Variants in SLC35F3 observed in about 807,000 individuals in gnomAD.
SLC35F3 encodes the protein solute carrier family 35 member F3, also known as putative thiamine transporter SLC35F3.
SLC35F3 carries 25 observed loss-of-function variants against 49.9 expected under a neutral mutation model. The observed-to-expected ratio is 0.50, with a 90% CI of 0.37 to 0.70. SLC35F3 has a LOEUF of 0.70. Among genes scored for constraint, SLC35F3 ranks in the 30% least tolerant of loss-of-function variants. The probability of loss-of-function intolerance (pLI) is 0.00; values close to 1 mark genes in which losing one functional copy is unlikely to be tolerated. For missense variants in SLC35F3, 525 were observed against 639.8 expected (o/e 0.82, Z 1.94); for synonymous variants, 275 against 265.4 (o/e 1.04, Z -0.35).
intron 2 of SLC35F3, among the ~76,000 whole-genome samples, chr1:234,062,825 T>C (rs1388309924): frequency 6.7e-6 from 1 of 150,238 alleles, no homozygotes; most frequent in Non-Finnish European, 1.5e-5. Context: ...GGACTACAGG[T>C]GCCCACCACG....
chr1:233,969,455 C>A (rs57949029), intron 2 of SLC35F3, among the ~76,000 whole-genome samples: 3,220 of 152,280 alleles, frequency 0.021, 124 homozygotes, highest in African/African-American at 0.074. Context: ...CCTTTCTTCT[C>A]TCTGGTGCCG....
At position 234,214,211 on chromosome 1, in the gene SLC35F3, G is replaced by C; in HGVS notation, c.284-17206G>C. The C allele has an allele frequency of 1.7e-6, 2 of 1,178,570 alleles. No homozygotes were observed. Among genetic ancestry groups the C allele is most frequent in the Middle Eastern group, 3.5e-4 (1 of 2,882 alleles). The allele number at this position is 1,178,570 out of a possible 1,614,324, so 73.0% of individuals were successfully genotyped here. ...GTGGGAGCAGGGAGTGCACTTGTAC[G>C]TGACGTTGGAGTTTGCAGCAACCTC... On this transcript the variant is annotated intron_variant, in intron 2 of 7. Coordinates refer to ENST00000366618, the MANE Select transcript of SLC35F3 (RefSeq NM_173508.4). This position sits in a 1 kb window ranked among gnomAD's most constrained non-coding sequence, Gnocchi z 8.0.
At chr1:234,218,301 G>A (rs751110450) in intron 2 of SLC35F3, among the ~76,000 whole-genome samples, 37 of 152,098 alleles carry the variant, frequency 2.4e-4, no homozygotes, top group Non-Finnish European at 4.0e-4. Context: ...CCCAAGAGGC[G>A]TGCAGCAAGT....
chr1:234,214,216 G>A lies in SLC35F3; in HGVS notation c.284-17201G>A. 4.2e-6 allele frequency: 5 copies of A among 1,194,012 alleles called. No homozygotes were observed. The highest frequency in any genetic ancestry group is 4.2e-6 in the Non-Finnish European group (4 of 963,542). The allele number at this position is 1,194,012 out of a possible 1,614,324, so 74.0% of individuals were successfully genotyped here. On this transcript the variant is annotated intron_variant, in intron 2 of 7. Transcript: ENST00000366618. This position sits in a 1 kb window ranked among gnomAD's most constrained non-coding sequence, Gnocchi z 8.0. ...AGCAGGGAGTGCACTTGTACGTGAC[G>A]TTGGAGTTTGCAGCAACCTCCAAGT...
intron 2 of SLC35F3, among the ~76,000 whole-genome samples, chr1:234,000,599 A>C (rs1663536318): frequency 6.6e-6 from 1 of 152,208 alleles, no homozygotes; most frequent in Admixed American, 6.5e-5. Context: ...ATTAGACTAC[A>C]AAAGCAATTG....
At chr1:234,241,562 C>A (rs1278616429) in intron 3 of SLC35F3, among the ~76,000 whole-genome samples, 1 of 151,934 alleles carries the variant, frequency 6.6e-6, no homozygotes, top group Non-Finnish European at 1.5e-5. Flanking sequence ...ATGGCAAAAC[C>A]CCATTTCTAC....
intron 2 of SLC35F3, among the ~76,000 whole-genome samples, chr1:233,985,658 C>T (rs1466994805): frequency 6.6e-6 from 1 of 152,190 alleles, no homozygotes. Flanking sequence ...TCAGCACAGC[C>T]TTTCAGCAAT....
At chr1:234,001,990 G>T (rs2102832980) in intron 2 of SLC35F3, among the ~76,000 whole-genome samples, 1 of 152,304 alleles carries the variant, frequency 6.6e-6, no homozygotes, top group Non-Finnish European at 1.5e-5. Context: ...TCCAATAGCT[G>T]AAAAGCACTC....
chr1:234,113,144 TAATC>T (rs1389021361), intron 2 of SLC35F3, among the ~76,000 whole-genome samples: 1 of 152,190 alleles, frequency 6.6e-6, no homozygotes, highest in Non-Finnish European at 1.5e-5. Flanking sequence ...GTTTCTGACA[TAATC>T]AAAGCACTCT....
At chr1:234,314,337 T>C (rs1297356584) in intron 4 of SLC35F3, among the ~76,000 whole-genome samples, 1 of 152,190 alleles carries the variant, frequency 6.6e-6, no homozygotes, top group Admixed American at 6.5e-5. Context: ...TATTATTTAA[T>C]CAATAGAGAA....
intron 2 of SLC35F3, among the ~76,000 whole-genome samples, chr1:233,950,931 G>A (rs1159306294): frequency 3.3e-5 from 5 of 151,946 alleles, no homozygotes; most frequent in Admixed American, 3.3e-4. Flanking sequence ...AGCTTTTAGA[G>A]TAACAAGCTC....
chr1:233,926,595 G>A (rs1662164000), intron 2 of SLC35F3, among the ~76,000 whole-genome samples: 1 of 152,024 alleles, frequency 6.6e-6, no homozygotes, highest in African/African-American at 2.4e-5. Context: ...CTTTAGCTTG[G>A]AGAAGTTTGT....
intron 3 of SLC35F3, among the ~76,000 whole-genome samples, chr1:234,304,240 C>T (rs1265226302): frequency 5.3e-5 from 8 of 152,040 alleles, no homozygotes. Context: ...TGGCTCACTG[C>T]AACCTCCACC....
At chr1:234,178,046 G>A (rs958260393) in intron 2 of SLC35F3, among the ~76,000 whole-genome samples, 10 of 152,152 alleles carry the variant, frequency 6.6e-5, no homozygotes, top group African/African-American at 1.9e-4. Flanking sequence ...TTCATAACTT[G>A]AGAATGCTAA....
intron 3 of SLC35F3, among the ~76,000 whole-genome samples, chr1:234,278,628 G>A (rs1263853413): frequency 2.0e-5 from 3 of 152,088 alleles, no homozygotes; most frequent in Non-Finnish European, 2.9e-5. Context: ...AATGACCATA[G>A]ACTGGGTGGC....
At chr1:233,938,698 ATGAATGGATGG>A (rs745985033) in intron 2 of SLC35F3, among the ~76,000 whole-genome samples, 8 of 147,534 alleles carry the variant, frequency 5.4e-5, no homozygotes, top group African/African-American at 1.3e-4. Flanking sequence ...GGATGGATGG[ATGAATGGATGG>A]ATGGATGGAT....
chr1:234,297,297 T>C (rs1458203967), intron 3 of SLC35F3, among the ~76,000 whole-genome samples: 1 of 152,218 alleles, frequency 6.6e-6, no homozygotes, highest in East Asian at 1.9e-4. Flanking sequence ...ATCCCGTTAC[T>C]GGGTATATAT....
intron 2 of SLC35F3, among the ~76,000 whole-genome samples, chr1:234,171,963 C>T (rs1666405933): frequency 6.6e-6 from 1 of 152,080 alleles, no homozygotes; most frequent in South Asian, 2.1e-4. Flanking sequence ...CCCCCCACCG[C>T]CCTACTTCCC....
At chr1:234,170,816 G>A (rs16842703) in intron 2 of SLC35F3, among the ~76,000 whole-genome samples, 12,557 of 151,446 alleles carry the variant, frequency 0.083, 1,677 homozygotes, top group African/African-American at 0.29. Flanking sequence ...ACGGTTGCAC[G>A]AACGCAATTT....
Sources: allele counts gnomAD v4.1 joint callset (sites outside exome capture counted in the v4.1 genomes callset), GRCh38; gene constraint gnomAD v4.1.1; non-coding constraint Gnocchi (gnomAD v3.1); transcripts MANE v1.5; gene names NCBI Gene and HGNC (gene_info 2026-07-23, HGNC 2026-07-21).